DMBT1: variants seen among roughly 807,000 people sequenced by gnomAD.
The protein encoded by DMBT1 is scavenger receptor cysteine-rich domain-containing protein DMBT1.
Under a neutral mutation model 252.9 loss-of-function variants are expected in DMBT1, and 198 were observed. That is an observed-to-expected ratio of 0.78 (90% CI 0.70 to 0.88). The LOEUF (loss-of-function observed/expected upper bound fraction) is 0.88, where lower values mean the gene tolerates loss of function less well. Among genes scored for constraint, DMBT1 ranks in the 40% least tolerant of loss-of-function variants. DMBT1 has a pLI of 0.00. For synonymous variants in DMBT1, 990 were observed against 942.7 expected, an observed-to-expected ratio of 1.05 and a Z score of -0.92; for missense variants, 2,432 against 2,404.7, an observed-to-expected ratio of 1.01 and a Z score of -0.24.
intron 15 of DMBT1, 106 bp from the exon 16 acceptor site, chr10:122,585,954 T>C: frequency 6.5e-7 from 1 of 1,547,656 alleles, no homozygotes; most frequent in Non-Finnish European, 8.7e-7. Flanking sequence ...GGTGACTGCC[T>C]GCCCAGGTGA....
At position 122,597,441 on chromosome 10, in the gene DMBT1, T is replaced by C. The variant is rs2133599580; in HGVS notation, c.2917+387T>C. Among the ~76,000 whole-genome samples, 3 of 152,290 alleles carry C rather than the reference T, an allele frequency of 2.0e-5. No individual in the cohort carries two copies. In the South Asian group the frequency reaches 6.2e-4, roughly 32 times the overall value. ...TGTCAGCTAAAGCCTTAAACATGGC[T>C]GCCGCCACAGGCAAGCAATGTCAGT... is the stretch of plus-strand genomic sequence containing the variant. On this transcript the variant is annotated intron_variant, in intron 24 of 55. Transcript: ENST00000338354.
intron 2 of DMBT1, among the ~76,000 whole-genome samples, chr10:122,569,792 G>A: frequency 6.6e-6 from 1 of 152,254 alleles, no homozygotes; most frequent in Admixed American, 6.5e-5. Flanking sequence ...CTTATCAGGA[G>A]TATATCAGTG....
At chr10:122,632,259 C>G (rs977024895) in intron 50 of DMBT1, among the ~76,000 whole-genome samples, 9 of 151,972 alleles carry the variant, frequency 5.9e-5, no homozygotes, top group Admixed American at 5.9e-4. Context: ...CAACACCCCC[C>G]ACTGCCCCGC....
intron 41 of DMBT1, among the ~76,000 whole-genome samples, 157 bp from the exon 42 acceptor site, chr10:122,619,151 C>G (rs1052833761): frequency 6.6e-6 from 1 of 152,222 alleles, no homozygotes; most frequent in Non-Finnish European, 1.5e-5. Flanking sequence ...TTATATGGTG[C>G]ATCTCTGTGG....
In DMBT1 at chr10:122,589,178, G is replaced by A. The variant is rs377585441; in HGVS notation, c.2018G>A (p.Gly673Glu). The change falls in exon 17 of 56, where the codon GGA (glycine) becomes GAA (glutamate). Residue 673 changes from glycine (G) to glutamate (E), a missense_variant. By Grantham distance (98) the Gly-to-Glu change is moderately conservative (BLOSUM62 -2). Coordinates refer to ENST00000338354, the MANE Select transcript of DMBT1 (RefSeq NM_001377530.1). ...PIVLDDVRCS[G>E]HESYLWSCPN... ...GTCCTGGATGATGTGCGCTGCTCAG[G>A]ACATGAGTCCTACCTGTGGAGCTGC... The A allele has an allele frequency of 5.0e-6, 8 of 1,588,340 alleles. No individual in the cohort carries two copies. Among genetic ancestry groups the A allele is most frequent in the African/African-American group, 1.3e-5 (1 of 74,534 alleles).
At chr10:122,622,538 T>G (rs1301577818) in intron 44 of DMBT1, among the ~76,000 whole-genome samples, 1 of 152,180 alleles carries the variant, frequency 6.6e-6, no homozygotes, top group Non-Finnish European at 1.5e-5. Context: ...TCAACTTGCT[T>G]TTTGCATGTG....
At chr10:122,628,926 A>G (rs978988471) in intron 46 of DMBT1, among the ~76,000 whole-genome samples, 6 of 152,160 alleles carry the variant, frequency 3.9e-5, no homozygotes, top group African/African-American at 7.2e-5. Flanking sequence ...AGCTCTCAGT[A>G]TGCTAAAAAC....
At chr10:122,580,597 G>A (rs11528753) in intron 10 of DMBT1, among the ~76,000 whole-genome samples, 29,273 of 151,886 alleles carry the variant, frequency 0.19, 4,363 homozygotes, top group African/African-American at 0.4. Flanking sequence ...CACCTAAGAT[G>A]TGCAAGGGAG....
At chr10:122,591,015 A>G (rs2097845457) in intron 18 of DMBT1, among the ~76,000 whole-genome samples, 1 of 148,558 alleles carries the variant, frequency 6.7e-6, no homozygotes, top group Non-Finnish European at 1.5e-5. Context: ...ACACCCCCAG[A>G]TGCGGCAGGG....
chr10:122,597,988 A>C lies in DMBT1; in HGVS notation c.2932A>C (p.Ile978Leu). ...TGCAATTACAGACACATTGCCGACC[A>C]TCACCTTGCCTGCATCGACAGTAGG... ...STPSPDTLPT[I>L]TLPASTVGSE... The change falls in exon 25 of 56, where the codon ATC becomes CTC. Residue 978 changes from isoleucine (I) to leucine (L), a missense_variant. Around this residue, in one of 3 missense-constraint regions of DMBT1, gnomAD observed 1,264 missense variants for 1,082.2 expected, o/e 1.17. Coordinates refer to ENST00000338354, the MANE Select transcript of DMBT1 (RefSeq NM_001377530.1). The C allele has an allele frequency of 6.2e-7, 1 of 1,613,898 alleles. No homozygotes were observed. The highest frequency in any genetic ancestry group is 8.5e-7 in the Non-Finnish European group (1 of 1,179,850).
At chr10:122,570,344 G>A in intron 3 of DMBT1, 135 bp downstream of exon 3, 3 of 800,618 alleles carry the variant, frequency 3.7e-6, no homozygotes, top group Non-Finnish European at 6.3e-6. Flanking sequence ...ACTGAACCCA[G>A]GCTACAATGC....
chr10:122,600,138 C>A lies in DMBT1; in HGVS notation c.3310+45C>A, dbSNP rs578022837. The A allele has an allele frequency of 7.2e-5, 114 of 1,592,644 alleles. 7 individuals carry two copies. The South Asian group carries it at 1.2e-3, about 16-fold the overall frequency. On this transcript the variant is annotated intron_variant, in intron 27 of 55. Coordinates refer to ENST00000338354, the MANE Select transcript of DMBT1 (RefSeq NM_001377530.1). Reference sequence around the variant, plus strand: ...CCTCAAAATGTCCCTTCTCTTTCTGCCCAATCACCCCTTCCACACTCCACA... The same window carrying A: ...CCTCAAAATGTCCCTTCTCTTTCTGACCAATCACCCCTTCCACACTCCACA...
rs142440598 is a variant in DMBT1 at position 122,599,306 on chromosome 10, C to G, written c.3280+209C>G. Among the ~76,000 whole-genome samples, 441 of 152,268 alleles carry G rather than the reference C, an allele frequency of 2.9e-3. 2 individuals carry two copies. The highest frequency in any genetic ancestry group is 0.01 in the African/African-American group (424 of 41,540). On this transcript the variant is annotated intron_variant, in intron 26 of 55. Transcript: ENST00000338354. ...GACAGGGGACCAAACTCAAACAACC[C>G]AGAGTTTTTCCCCTTCCTGAGGGAA...
At position 122,625,303 on chromosome 10, in the gene DMBT1, G is replaced by C. The variant is rs371606822; in HGVS notation, c.5635G>C (p.Asp1879His). Residue 1879 changes from aspartate to histidine, a missense_variant and splice_region_variant, in exon 45 of 56, where the codon GAT becomes CAT. Physicochemically the swap from Asp to His is moderately conservative, Grantham distance 81. Coordinates refer to ENST00000338354, the MANE Select transcript of DMBT1 (RefSeq NM_001377530.1). ...CACCCAAATAAATTCTACTACGACA[G>C]GTGAGTCTGCTACACCCCAGTCCAG... Reference protein sequence around the residue: ...SATQINSTTTDWWHPTTTTTA... With the variant: ...SATQINSTTTHWWHPTTTTTA... 3 of 1,610,580 alleles carry C rather than the reference G, an allele frequency of 1.9e-6. No individual in the cohort carries two copies. The African/African-American group carries it at 4.0e-5, about 22-fold the overall frequency.
chr10:122,593,373 G>A (rs2097867343), intron 20 of DMBT1, among the ~76,000 whole-genome samples, 196 bp from the exon 21 acceptor site: 1 of 148,152 alleles, frequency 6.7e-6, no homozygotes, highest in African/African-American at 2.4e-5. Flanking sequence ...CTCAGAGCTG[G>A]CAATAGTGGA....
At position 122,640,391 on chromosome 10, in the gene DMBT1, G is replaced by T; in HGVS notation, c.7294G>T (p.Val2432Leu). The part of the protein sequence containing the change: ...AVLTLFVDTC[V>L]ASPYSNDFTS... The stretch of plus-strand genomic sequence containing the variant: ...ACTGACCTTGTTTGTGGACACCTGC[G>T]TGGCATCACCATACTCCAATGACTT... The change falls in exon 55 of 56, where the codon GTG becomes TTG. Residue 2432 changes from valine to leucine, a missense_variant. Physicochemically the swap from Val to Leu is conservative, Grantham distance 32. This residue lies in a region of DMBT1 where 1,162 missense variants were observed against 1,169.0 expected (regional missense o/e 0.99). Coordinates refer to ENST00000338354, the MANE Select transcript of DMBT1 (RefSeq NM_001377530.1). 1.2e-6 allele frequency: 2 copies of T among 1,613,966 alleles called. No homozygotes were observed. The highest frequency in any genetic ancestry group is 1.7e-6 in the Non-Finnish European group (2 of 1,179,892).
intron 50 of DMBT1, among the ~76,000 whole-genome samples, chr10:122,632,587 C>A (rs1225030748): frequency 6.6e-6 from 1 of 152,166 alleles, no homozygotes; most frequent in African/African-American, 2.4e-5. Flanking sequence ...CTAATTACTG[C>A]CCTTTTTTCC....
Position 122,617,236 on chromosome 10 carries a change from C to G in DMBT1, c.4867C>G (p.Pro1623Ala). Residue 1623 changes from proline to alanine, a missense_variant, in exon 40 of 56, where the codon CCA (proline) becomes GCA (alanine). Transcript: ENST00000338354. ...TTTGTTGCTATTTACAGACACTTGG[C>G]CAACCTCTCGTGCATCAACAGCAGG... ...SQPTPSPDTWPTSRASTAGSE... is the reference protein window; with the variant it reads ...SQPTPSPDTWATSRASTAGSE... The G allele has an allele frequency of 6.2e-7, 1 of 1,609,698 alleles. No homozygotes were observed.
At chr10:122,561,646 TTCTGTCTG>T (rs36178052) in intron 1 of DMBT1, among the ~76,000 whole-genome samples, 2 of 149,290 alleles carry the variant, frequency 1.3e-5, no homozygotes, top group Non-Finnish European at 3.0e-5. Context: ...CTCCCTCTGT[TTCTGTCTG>T]TCTGTCTGTG....
Sources: allele counts gnomAD v4.1 joint callset (sites outside exome capture counted in the v4.1 genomes callset), GRCh38; gene constraint gnomAD v4.1.1; regional missense constraint gnomAD v4.1.1; transcripts MANE v1.5; gene names NCBI Gene and HGNC (gene_info 2026-07-23, HGNC 2026-07-21).